SPATA13: variants seen among roughly 807,000 people sequenced by gnomAD.
SPATA13 encodes spermatogenesis-associated protein 13.
In SPATA13, 50 loss-of-function variants were observed where a neutral mutation model predicts 104.0. The observed-to-expected ratio is 0.48, with a 90% CI of 0.38 to 0.61. SPATA13 has a LOEUF of 0.61. Among genes scored for constraint, SPATA13 ranks in the 20% least tolerant of loss-of-function variants. The probability of loss-of-function intolerance (pLI) is 0.00; values close to 1 mark genes in which losing one functional copy is unlikely to be tolerated. For missense variants in SPATA13, 1,524 were observed against 1,690.6 expected (o/e 0.90, Z 1.73); for synonymous variants, 606 against 667.5 (o/e 0.91, Z 1.42).
At chr13:24,098,925 CAAA>C (rs61641076) in intron 3 of SPATA13, among the ~76,000 whole-genome samples, 4 of 79,510 alleles carry the variant, frequency 5.0e-5, no homozygotes, top group Middle Eastern at 7.2e-3. Context: ...GACTCCATCT[CAAA>C]AAAAAAAAAA....
At chr13:24,158,038 T>G (rs1472711904), upstream of SPATA13, among the ~76,000 whole-genome samples, 1 of 152,196 alleles carries the variant, frequency 6.6e-6, no homozygotes, top group Non-Finnish European at 1.5e-5. Context: ...ATTCTAGTTT[T>G]GGAGATGTTA....
At chr13:24,114,035 T>C (rs1044033141) in intron 3 of SPATA13, among the ~76,000 whole-genome samples, 6 of 152,198 alleles carry the variant, frequency 3.9e-5, no homozygotes, top group African/African-American at 1.4e-4. Context: ...TTTCTACAAG[T>C]CTGAATGTGG....
chr13:24,181,817 T>C (rs921457233), intron 1 of SPATA13, among the ~76,000 whole-genome samples: 8 of 133,178 alleles, frequency 6.0e-5, no homozygotes, highest in Admixed American at 3.2e-4. Context: ...ACATGAACTA[T>C]AAAAAGTATA....
intron 3 of SPATA13, among the ~76,000 whole-genome samples, chr13:24,115,098 C>A (rs1880791769): frequency 6.6e-6 from 1 of 152,146 alleles, no homozygotes; most frequent in Non-Finnish European, 1.5e-5. Context: ...GAGGAAGTGA[C>A]CGTGGAGGCC....
At chr13:24,100,096 C>G (rs572553199) in intron 3 of SPATA13, among the ~76,000 whole-genome samples, 1 of 151,738 alleles carries the variant, frequency 6.6e-6, no homozygotes, top group African/African-American at 2.4e-5. Context: ...TATTCTTTTC[C>G]GTGGCTTTCT....
chr13:24,148,903 G>A (rs1489428361), intron 3 of SPATA13, among the ~76,000 whole-genome samples: 11 of 150,562 alleles, frequency 7.3e-5, no homozygotes, highest in Admixed American at 1.3e-4. Context: ...TATTATTCAT[G>A]GTTTCCATGA....
intron 3 of SPATA13, among the ~76,000 whole-genome samples, chr13:24,102,242 A>G (rs1231192741): frequency 6.6e-6 from 1 of 152,186 alleles, no homozygotes; most frequent in African/African-American, 2.4e-5. Context: ...GACGTTGAAC[A>G]TCTTTCCATG....
At chr13:24,263,329 G>A (rs930001864) in intron 4 of SPATA13, among the ~76,000 whole-genome samples, 4 of 152,228 alleles carry the variant, frequency 2.6e-5, no homozygotes, top group Non-Finnish European at 1.5e-5. Flanking sequence ...GCTGGTTGGA[G>A]AATTGGTGAT....
intron 2 of SPATA13, among the ~76,000 whole-genome samples, chr13:23,989,048 CT>C (rs1226105456): frequency 5.3e-5 from 8 of 152,170 alleles, no homozygotes; most frequent in African/African-American, 1.9e-4. Flanking sequence ...AGTCCATTTA[CT>C]GAAATGGTTC....
intron 3 of SPATA13, chr13:24,123,672 A>G (rs1593344827): frequency 6.3e-7 from 1 of 1,589,586 alleles, no homozygotes; most frequent in Non-Finnish European, 8.6e-7. Flanking sequence ...CTTCATGCAT[A>G]TATATTCGTA....
chr13:24,173,114 G>A (rs552065550), intron 1 of SPATA13, among the ~76,000 whole-genome samples: 7 of 152,126 alleles, frequency 4.6e-5, no homozygotes, highest in East Asian at 1.9e-4. Context: ...GTCTTGCTCC[G>A]TCATCCAGGC....
intron 3 of SPATA13, among the ~76,000 whole-genome samples, chr13:24,067,114 A>G (rs1036564019): frequency 4.6e-5 from 7 of 152,070 alleles, no homozygotes; most frequent in African/African-American, 1.2e-4. Context: ...CTCTAGCTCC[A>G]TGCTGCCCCA....
chr13:24,157,199 C>G (rs1470992559), upstream of SPATA13, among the ~76,000 whole-genome samples: 1 of 152,240 alleles, frequency 6.6e-6, no homozygotes, highest in Non-Finnish European at 1.5e-5. Context: ...AGAGTGAATA[C>G]TCTGTGCTGT....
chr13:24,081,362 TC>T (rs1314132844), intron 3 of SPATA13, among the ~76,000 whole-genome samples: 2 of 152,182 alleles, frequency 1.3e-5, no homozygotes, highest in Admixed American at 6.5e-5. Context: ...TTCTTTATAC[TC>T]CCCACTGTCA....
intron 3 of SPATA13, among the ~76,000 whole-genome samples, chr13:24,039,597 C>T (rs1333273595): frequency 2.6e-5 from 4 of 152,124 alleles, no homozygotes; most frequent in African/African-American, 7.2e-5. Context: ...TCTTGGGCCT[C>T]GAGGGGTCGT....
intron 4 of SPATA13, among the ~76,000 whole-genome samples, chr13:24,277,442 T>A (rs1239813319): frequency 1.2e-4 from 4 of 33,922 alleles, no homozygotes; most frequent in Non-Finnish European, 2.2e-4. Flanking sequence ...AGACTCCGTC[T>A]CAAAAAAAAA....
At position 24,243,435 on chromosome 13, in the gene SPATA13, G is replaced by C. The variant is rs142293466; in HGVS notation, c.1654-6042G>C. On this transcript the variant is annotated intron_variant, in intron 2 of 12. Coordinates refer to ENST00000382108, the MANE Select transcript of SPATA13 (RefSeq NM_001166271.3). The stretch of plus-strand genomic sequence containing the variant: ...ATCTAAGGGAAGGAACATCTGCAAA[G>C]TTCTGTTTTCCTTCTGTAAAAGTAC... Among the ~76,000 whole-genome samples, 21 of 152,326 alleles carry C rather than the reference G, an allele frequency of 1.4e-4. No homozygotes were observed. In the East Asian group the frequency reaches 2.9e-3, roughly 21 times the overall value.
At chr13:24,229,572 G>C (rs527585841) in intron 2 of SPATA13, among the ~76,000 whole-genome samples, 85 of 152,252 alleles carry the variant, frequency 5.6e-4, no homozygotes, top group African/African-American at 1.9e-3. Context: ...TTCCATCCTA[G>C]ATTGACATGG....
At chr13:24,091,219 GA>G (rs1229553176) in intron 3 of SPATA13, among the ~76,000 whole-genome samples, 1 of 152,232 alleles carries the variant, frequency 6.6e-6, no homozygotes, top group African/African-American at 2.4e-5. Flanking sequence ...AGAGGCGAGA[GA>G]CTAAATCCTT....
Sources: gnomAD v4.1 joint callset for allele counts (sites outside exome capture counted in the v4.1 genomes callset) on GRCh38, gnomAD v4.1.1 for gene constraint, MANE v1.5 for transcripts, NCBI Gene and HGNC (gene_info 2026-07-23, HGNC 2026-07-21) for gene names.